Variants in RAPGEF5 observed in about 807,000 individuals in gnomAD.
RAPGEF5 encodes the protein M-Ras-regulated GEF.
In RAPGEF5, 65 loss-of-function variants were observed where a neutral mutation model predicts 125.2. That is an observed-to-expected ratio of 0.52 (90% CI 0.43 to 0.64). The LOEUF is 0.64. Among genes scored for constraint, RAPGEF5 ranks in the 30% least tolerant of loss-of-function variants. RAPGEF5 has a pLI of 0.00. For missense variants in RAPGEF5, 958 were observed against 1,048.1 expected (o/e 0.91, Z 1.19); for synonymous variants, 391 against 385.9 (o/e 1.01, Z -0.16).
chr7:22,222,560 G>C (rs556832596), intron 8 of RAPGEF5, among the ~76,000 whole-genome samples: 1 of 152,324 alleles, frequency 6.6e-6, no homozygotes, highest in South Asian at 2.1e-4. Context: ...GATAGGCAGA[G>C]AGAGCAGCAG....
At chr7:22,125,915 A>G (rs1447058979) in intron 24 of RAPGEF5, among the ~76,000 whole-genome samples, 3 of 152,188 alleles carry the variant, frequency 2.0e-5, no homozygotes, top group Non-Finnish European at 2.9e-5. Context: ...TGGGAGGCTG[A>G]GGTGGGCGGA....
At chr7:22,154,099 T>C (rs1007733104) in intron 17 of RAPGEF5, among the ~76,000 whole-genome samples, 2 of 151,916 alleles carry the variant, frequency 1.3e-5, no homozygotes, top group Non-Finnish European at 2.9e-5. Context: ...TTCAAGGCCA[T>C]CTTTCCTTTT....
intron 11 of RAPGEF5, among the ~76,000 whole-genome samples, chr7:22,175,938 A>C (rs1784489751): frequency 6.6e-6 from 1 of 152,192 alleles, no homozygotes; most frequent in Non-Finnish European, 1.5e-5. Flanking sequence ...TAAATTTCAG[A>C]AAAATAACAT....
rs950146975 is a variant in RAPGEF5, at chr7:22,267,064, A to T, written c.748-52T>A. 2.0e-6 allele frequency: 3 copies of T among 1,523,662 alleles called. No homozygotes were observed. The African/African-American group carries it at 4.1e-5, about 21-fold the overall frequency. The allele number at this position is 1,523,662 out of a possible 1,614,324, so 94.4% of individuals were successfully genotyped here. On this transcript the variant is annotated intron_variant, in intron 6 of 25. Transcript: ENST00000665637. ...AAATTAGAAGAAGAAAAATGTAGCC[A>T]TCAAAAGCAGTACTTTGTTCTTAGA... is the stretch of plus-strand genomic sequence containing the variant.
intron 1 of RAPGEF5, among the ~76,000 whole-genome samples, chr7:22,333,289 T>C (rs548715627): frequency 6.6e-6 from 1 of 151,680 alleles, no homozygotes; most frequent in Non-Finnish European, 1.5e-5. Flanking sequence ...GGGGAGGAGG[T>C]GAAAGAGAGA....
chr7:22,229,371 A>C (rs185367957), intron 8 of RAPGEF5, among the ~76,000 whole-genome samples: 1 of 152,300 alleles, frequency 6.6e-6, no homozygotes, highest in East Asian at 1.9e-4. Context: ...CACATTCCCC[A>C]CGGTAACATA....
chr7:22,184,323 A>G (rs1048438264), intron 11 of RAPGEF5, among the ~76,000 whole-genome samples: 4 of 152,244 alleles, frequency 2.6e-5, no homozygotes, highest in African/African-American at 9.6e-5. Flanking sequence ...ATAGTTCACT[A>G]GAAATATTAG....
intron 7 of RAPGEF5, among the ~76,000 whole-genome samples, chr7:22,233,634 G>A (rs957299958): frequency 7.2e-5 from 11 of 152,146 alleles, no homozygotes; most frequent in African/African-American, 2.2e-4. Context: ...TTGGGCTCAA[G>A]CAATCCTCCC....
At chr7:22,265,528 T>C (rs1235150766) in intron 7 of RAPGEF5, among the ~76,000 whole-genome samples, 1 of 152,218 alleles carries the variant, frequency 6.6e-6, no homozygotes, top group Non-Finnish European at 1.5e-5. Context: ...TGATTCCACA[T>C]CTTGCCTATT....
chr7:22,154,084 A>G lies in RAPGEF5; in HGVS notation c.1786+371T>C, dbSNP rs549958098. On this transcript the variant is annotated intron_variant, in intron 17 of 25. Coordinates refer to ENST00000665637, the MANE Select transcript of RAPGEF5 (RefSeq NM_012294.5). ...TATTAAATTGTCAGCCCGCAATAGG[A>G]CTGGTTCAAGGCCATCTTTCCTTTT... 2.0e-5 allele frequency among the ~76,000 whole-genome samples: 3 copies of G among 151,502 alleles called. No homozygotes were observed. In the South Asian group the frequency reaches 6.2e-4, roughly 32 times the overall value.
At chr7:22,222,989 G>A (rs1785830582) in intron 8 of RAPGEF5, among the ~76,000 whole-genome samples, 1 of 152,094 alleles carries the variant, frequency 6.6e-6, no homozygotes, top group Non-Finnish European at 1.5e-5. Context: ...GGGAGGCAGG[G>A]GTTGATCTGG....
chr7:22,235,863 T>C (rs983940040), intron 7 of RAPGEF5, among the ~76,000 whole-genome samples: 2 of 152,210 alleles, frequency 1.3e-5, no homozygotes, highest in African/African-American at 4.8e-5. Context: ...ATATATATAA[T>C]CATAAATGCT....
intron 1 of RAPGEF5, among the ~76,000 whole-genome samples, chr7:22,338,724 T>C (rs1784070713): frequency 2.0e-5 from 3 of 152,194 alleles, no homozygotes. Flanking sequence ...TAAAAGCCCA[T>C]GTGCAATTCT....
At chr7:22,147,136 C>G in intron 18 of RAPGEF5, 117 bp from the exon 19 acceptor site, 1 of 1,315,072 alleles carries the variant, frequency 7.6e-7, no homozygotes, top group Non-Finnish European at 1.0e-6. Flanking sequence ...TCTGAGTGCA[C>G]TTAATATTTT....
intron 7 of RAPGEF5, among the ~76,000 whole-genome samples, chr7:22,251,311 A>T (rs1376533687): frequency 3.0e-5 from 3 of 99,508 alleles, no homozygotes; most frequent in African/African-American, 1.3e-4. Flanking sequence ...CTCCAGTGCA[A>T]ACCTTTATTT....
chr7:22,159,877 G>C (rs1241112431), intron 14 of RAPGEF5, among the ~76,000 whole-genome samples: 1 of 152,186 alleles, frequency 6.6e-6, no homozygotes, highest in Non-Finnish European at 1.5e-5. Flanking sequence ...GGGAGGCTGA[G>C]GTGGGCGAAT....
chr7:22,211,583 A>G (rs1373001905), intron 9 of RAPGEF5, among the ~76,000 whole-genome samples: 1 of 152,236 alleles, frequency 6.6e-6, no homozygotes, highest in Non-Finnish European at 1.5e-5. Flanking sequence ...ATCCTTTTGC[A>G]TGTATGCTGG....
intron 5 of RAPGEF5, among the ~76,000 whole-genome samples, chr7:22,292,978 A>G (rs1782968288): frequency 6.6e-6 from 1 of 152,024 alleles, no homozygotes; most frequent in Non-Finnish European, 1.5e-5. Flanking sequence ...TGTTTTAGTG[A>G]CAAACAATTT....
At chr7:22,289,233 A>T (rs1231446944) in intron 6 of RAPGEF5, among the ~76,000 whole-genome samples, 1 of 152,200 alleles carries the variant, frequency 6.6e-6, no homozygotes, top group East Asian at 1.9e-4. Context: ...GGCTATAGGA[A>T]CCAAATCATA....
Sources: allele counts gnomAD v4.1 joint callset (sites outside exome capture counted in the v4.1 genomes callset), GRCh38; gene constraint gnomAD v4.1.1; transcripts MANE v1.5; gene names NCBI Gene and HGNC (gene_info 2026-07-23, HGNC 2026-07-21).